The following NRG4 variants were observed in gnomAD, a reference collection of about 807,000 sequenced individuals.
NRG4 encodes the protein pro-neuregulin-4, membrane-bound isoform.
NRG4 carries 10 observed loss-of-function variants against 15.0 expected under a neutral mutation model. The ratio of observed to expected loss-of-function variants is 0.67; its 90% confidence interval spans 0.41 to 1.13. NRG4 has a LOEUF of 1.13. NRG4 is among the 50% of genes most tolerant of loss of function. NRG4 has a pLI of 0.00. For synonymous variants in NRG4, 41 were observed against 50.1 expected (o/e 0.82, Z 0.77); for missense variants, 139 against 140.2 (o/e 0.99, Z 0.04).
At chr15:75,978,119 T>A (rs1402857147) in intron 3 of NRG4, among the ~76,000 whole-genome samples, 1 of 152,164 alleles carries the variant, frequency 6.6e-6, no homozygotes, top group Non-Finnish European at 1.5e-5. Flanking sequence ...GCCCAGCCTC[T>A]TCTAGCTATT....
chr15:75,995,576 C>G (rs2141880707), intron 3 of NRG4, among the ~76,000 whole-genome samples: 1 of 152,200 alleles, frequency 6.6e-6, no homozygotes, highest in South Asian at 2.1e-4. Flanking sequence ...GATACATATC[C>G]AAACTATATC....
chr15:76,032,112 C>T (rs926332789), intron 5 of NRG4, among the ~76,000 whole-genome samples: 1 of 152,088 alleles, frequency 6.6e-6, no homozygotes, highest in Non-Finnish European at 1.5e-5. Context: ...AGAAAAAGCT[C>T]AAGCTTTAAG....
At chr15:76,027,993 T>A (rs1310218590) in intron 5 of NRG4, among the ~76,000 whole-genome samples, 1 of 151,892 alleles carries the variant, frequency 6.6e-6, no homozygotes, top group African/African-American at 2.4e-5. Context: ...AAACACAACA[T>A]ACTAAAACCT....
intron 3 of NRG4, among the ~76,000 whole-genome samples, chr15:76,008,889 A>T (rs1028402288): frequency 1.3e-5 from 2 of 152,170 alleles, no homozygotes; most frequent in Non-Finnish European, 2.9e-5. Flanking sequence ...CAGTAATATT[A>T]AGCATAGACT....
chr15:75,964,280 G>A (rs1006611930), intron 3 of NRG4, among the ~76,000 whole-genome samples: 1 of 152,038 alleles, frequency 6.6e-6, no homozygotes, highest in Non-Finnish European at 1.5e-5. Context: ...GAAACTGGGT[G>A]CTAAACGGTT....
At chr15:76,004,444 T>C (rs1340836938) in intron 3 of NRG4, among the ~76,000 whole-genome samples, 1 of 151,294 alleles carries the variant, frequency 6.6e-6, no homozygotes, top group Non-Finnish European at 1.5e-5. Context: ...CTACTAAAAA[T>C]ACAAAATTAG....
Position 75,961,889 on chromosome 15 carries a change from C to T in NRG4, c.190G>A (p.Ala64Thr), listed in dbSNP as rs952795769. Residue 64 changes from alanine to threonine, a missense_variant, in exon 4 of 6, where the codon GCT becomes ACT. Transcript: ENST00000394907. ...SIQTKSNLFE[A>T]FVALAVLVTL... ...ACTAGGACCGCCAATGCCACAAAAG[C>T]TTCAAACAGGTTACTTTTAGTTTGG... 6.2e-7 allele frequency: 1 copy of T among 1,613,630 alleles called. No individual in the cohort carries two copies. Among genetic ancestry groups the T allele is most frequent in the Non-Finnish European group, 8.5e-7 (1 of 1,179,662 alleles).
At position 76,011,246 on chromosome 15, in the gene NRG4, G is replaced by C; in HGVS notation, c.-16C>G. The C allele has an allele frequency of 6.9e-7, 1 of 1,449,208 alleles. No homozygotes were observed. Among genetic ancestry groups the C allele is most frequent in the Non-Finnish European group, 9.1e-7 (1 of 1,092,980 alleles). The allele number at this position is 1,449,208 out of a possible 1,614,324, so 89.8% of individuals were successfully genotyped here. ...CTGTTGGCATCTTAATTTGTAAATA[G>C]TTTCATTCTTGGTCAAGAGAGTAGG... is the stretch of plus-strand genomic sequence containing the variant. On this transcript the variant is annotated 5_prime_UTR_variant, in exon 2 of 6. Transcript: ENST00000394907.
At chr15:75,952,638 A>G (rs335731) in intron 5 of NRG4, among the ~76,000 whole-genome samples, 141,260 of 150,580 alleles carry the variant, frequency 0.94, 66,573 homozygotes, top group East Asian at 1. Context: ...TACCCAGGCT[A>G]GCCTCAAACT....
chr15:75,956,217 C>T, intron 4 of NRG4, among the ~76,000 whole-genome samples: 1 of 152,042 alleles, frequency 6.6e-6, no homozygotes, highest in East Asian at 1.9e-4. Flanking sequence ...AAAACTGTTC[C>T]CCATTATTTA....
chr15:75,968,595 A>T (rs1008380985), intron 3 of NRG4, among the ~76,000 whole-genome samples: 1 of 151,234 alleles, frequency 6.6e-6, no homozygotes, highest in Non-Finnish European at 1.5e-5. Context: ...TAAAAAAAAA[A>T]AAAAAAAAAA....
chr15:75,995,994 T>C (rs1302569192), intron 3 of NRG4, among the ~76,000 whole-genome samples: 1 of 152,270 alleles, frequency 6.6e-6, no homozygotes, highest in Non-Finnish European at 1.5e-5. Flanking sequence ...ATATAATTCT[T>C]GTTGTTTTCT....
At chr15:75,939,690 A>G (rs1041412881), downstream of NRG4, 2 of 152,192 alleles carry the variant, frequency 1.3e-5, no homozygotes, top group Non-Finnish European at 2.9e-5. Flanking sequence ...GTACACCACG[A>G]CCAAATGGAA....
rs529905476 is a variant in NRG4, at chr15:76,045,202, T to C, written c.-105+6865A>G. 5.0e-4 allele frequency among the ~76,000 whole-genome samples: 76 copies of C among 151,150 alleles called. 3 individuals carry two copies. Among genetic ancestry groups the C allele is most frequent in the Middle Eastern group, 3.4e-3 (1 of 294 alleles). ...CATATGAAAAGGTGCTCAACATAAT[T>C]GACCATCAGAGAAATGCAAATCAAA... is the stretch of plus-strand genomic sequence containing the variant. On this transcript the variant is annotated intron_variant, in intron 4 of 8. Coordinates refer to the NRG4 transcript ENST00000563910.
At chr15:75,997,836 A>C (rs2034268936) in intron 3 of NRG4, among the ~76,000 whole-genome samples, 1 of 152,152 alleles carries the variant, frequency 6.6e-6, no homozygotes, top group Non-Finnish European at 1.5e-5. Flanking sequence ...TCAGGGCCAG[A>C]CTTGTGACTG....
intron 3 of NRG4, among the ~76,000 whole-genome samples, chr15:75,990,047 A>T (rs1011976000): frequency 6.6e-6 from 1 of 152,144 alleles, no homozygotes; most frequent in Admixed American, 6.5e-5. Context: ...CTAGGTCTTC[A>T]CCAAGGACAC....
chr15:76,029,477 G>GA (rs2035412349), intron 5 of NRG4, among the ~76,000 whole-genome samples: 1 of 152,112 alleles, frequency 6.6e-6, no homozygotes, highest in Non-Finnish European at 1.5e-5. Context: ...TAGAAAGGAG[G>GA]AAATCAAACT....
intron 1 of NRG4, among the ~76,000 whole-genome samples, chr15:76,059,439 A>G (rs1218230551): frequency 6.6e-6 from 1 of 152,148 alleles, no homozygotes; most frequent in African/African-American, 2.4e-5. Flanking sequence ...AGAGCTCTGG[A>G]AACTGCAAAG....
intron 2 of NRG4, chr15:76,053,218 G>A (rs926673860): frequency 6.6e-6 from 1 of 150,876 alleles, no homozygotes; most frequent in Non-Finnish European, 1.5e-5. Context: ...AACTTATTTA[G>A]GCACAACTTT....
Sources: gnomAD v4.1 joint callset for allele counts (sites outside exome capture counted in the v4.1 genomes callset) on GRCh38, gnomAD v4.1.1 for gene constraint, MANE v1.5 for transcripts, NCBI Gene and HGNC (gene_info 2026-07-23, HGNC 2026-07-21) for gene names.